DZIP3: variants seen among roughly 807,000 people sequenced by gnomAD.
The protein encoded by DZIP3 is DAZ interacting zinc finger protein 3.
A neutral mutation model predicts 162.0 loss-of-function variants in DZIP3; 118 were observed. That is an observed-to-expected ratio of 0.73 (90% confidence interval 0.63 to 0.85). DZIP3 has a LOEUF of 0.85. DZIP3 is among the 40% of genes least tolerant of loss of function. DZIP3 has a pLI of 0.00. For synonymous variants in DZIP3, 438 were observed against 458.6 expected (o/e 0.96, Z 0.57); for missense variants, 1,331 against 1,407.0 (o/e 0.95, Z 0.86).
intron 21 of DZIP3, among the ~76,000 whole-genome samples, chr3:108,668,603 A>C (rs1285376286): frequency 2.0e-5 from 3 of 152,002 alleles, no homozygotes; most frequent in Admixed American, 2.0e-4. Flanking sequence ...CAACTCTGTC[A>C]ACATATTCCT....
At chr3:108,689,201 A>G (rs1299137259) in intron 31 of DZIP3, among the ~76,000 whole-genome samples, 1 of 152,250 alleles carries the variant, frequency 6.6e-6, no homozygotes, top group African/African-American at 2.4e-5. Flanking sequence ...GAACTGGGAC[A>G]AATGTCGATT....
chr3:108,689,060 C>T (rs535865880), intron 31 of DZIP3, 136 bp downstream of exon 31: 1 of 813,974 alleles, frequency 1.2e-6, no homozygotes, highest in African/African-American at 1.7e-5. Flanking sequence ...GGGTACCACA[C>T]AGAAACATTT....
At position 108,637,398 on chromosome 3, in the gene DZIP3, C is replaced by G. The variant is rs182084423; in HGVS notation, c.1012-98C>G. On this transcript the variant is annotated intron_variant, in intron 11 of 32. Transcript: ENST00000361582. ...TTGTTTTATATTCACTGTGGCTTCA[C>G]TCTCATTGTATGTTTCAAATGTTAA... 1.8e-5 allele frequency: 19 copies of G among 1,073,152 alleles called. No homozygotes were observed. In the Admixed American group the frequency reaches 3.6e-4, roughly 20 times the overall value. 66.5% of individuals were successfully genotyped at this position (1,073,152 alleles called of 1,614,324 possible). A position where few individuals can be genotyped will look rare whatever the true frequency, so the allele number is the denominator to read the frequency against.
rs771830985 is a variant in DZIP3 at position 108,661,888 on chromosome 3, C to T, written c.2211C>T (p.Gly737=). 3 of 1,613,202 alleles carry T rather than the reference C, an allele frequency of 1.9e-6. No homozygotes were observed. In the Admixed American group the frequency reaches 5.0e-5, roughly 27 times the overall value. The stretch of plus-strand genomic sequence containing the variant: ...CCTGTGCTCAATAGGGCTCAGCTGG[C>T]AAAGTAACTACAGACTATGGAGAAA... ...ILDMIEQGSA[G]KVTTDYGETE... Residue 737 remains glycine, a synonymous_variant, in exon 20 of 33, where the codon GGC becomes GGT. Transcript: ENST00000361582.
intron 26 of DZIP3, 77 bp downstream of exon 26, chr3:108,677,675 C>A: frequency 7.9e-7 from 1 of 1,258,846 alleles, no homozygotes; most frequent in Non-Finnish European, 1.2e-6. Context: ...ACTGAATATG[C>A]AGTATGTTTA....
chr3:108,634,773 CTAAT>C (rs1942060726), intron 9 of DZIP3, 94 bp from the exon 10 acceptor site: 1 of 562,750 alleles, frequency 1.8e-6, no homozygotes, highest in Non-Finnish European at 2.8e-6. Context: ...TAAAATCTAT[CTAAT>C]TATAGAATAA....
chr3:108,679,572 G>T (rs1057348785), intron 26 of DZIP3, among the ~76,000 whole-genome samples: 1 of 152,112 alleles, frequency 6.6e-6, no homozygotes, highest in African/African-American at 2.4e-5. Flanking sequence ...CTGAGCATCA[G>T]AGGAGAGAGT....
At position 108,631,055 on chromosome 3, in the gene DZIP3, A is replaced by ACACACACACACACTCCCT; in HGVS notation, c.696+1880_696+1881insACACACACACACTCCCTC. Reference sequence around the variant, plus strand: ...CACACACACACACACACACACACACACTCTCTCTCTCTCTCTCTCTCTCTC... The same window carrying ACACACACACACACTCCCT: ...CACACACACACACACACACACACACACACACACACACACTCCCTCTCTCTCTCTCTCTCTCTCTCTCTC... On this transcript the variant is annotated intron_variant, in intron 8 of 32. Coordinates refer to ENST00000361582, the MANE Select transcript of DZIP3 (RefSeq NM_014648.4). 1.1e-4 allele frequency among the ~76,000 whole-genome samples: 2 copies of ACACACACACACACTCCCT among 18,006 alleles called. 1 individual carries two copies. The highest frequency in any genetic ancestry group is 5.6e-4 in the African/African-American group (2 of 3,542). The allele number at this position is 18,006 out of a possible 152,430, so 11.8% of individuals were successfully genotyped here. A position where few individuals can be genotyped will look rare whatever the true frequency, so the allele number is the denominator to read the frequency against.
intron 22 of DZIP3, 94 bp from the exon 23 acceptor site, chr3:108,672,466 C>A: frequency 2.0e-6 from 2 of 1,020,710 alleles, no homozygotes; most frequent in Non-Finnish European, 3.0e-6. Flanking sequence ...TAATTTCCTA[C>A]TGATTGTATA....
chr3:108,595,817 A>G (rs1336501746), intron 1 of DZIP3, among the ~76,000 whole-genome samples: 2 of 152,236 alleles, frequency 1.3e-5, no homozygotes, highest in Non-Finnish European at 2.9e-5. Context: ...AAGTTTTGTA[A>G]TATGGGAATT....
At chr3:108,669,597 C>T in intron 21 of DZIP3, 84 bp from the exon 22 acceptor site, 1 of 1,257,814 alleles carries the variant, frequency 8.0e-7, no homozygotes, top group South Asian at 1.4e-5. Flanking sequence ...TTTATCTCCT[C>T]CACAGCTGTA....
intron 12 of DZIP3, among the ~76,000 whole-genome samples, chr3:108,639,111 CCTTA>C (rs1408605416): frequency 6.6e-6 from 1 of 152,216 alleles, no homozygotes; most frequent in Non-Finnish European, 1.5e-5. Context: ...TTTCGAAAAG[CCTTA>C]CTTAGATTAC....
In DZIP3 at chr3:108,675,855, C is replaced by A. The variant is rs1184739436; in HGVS notation, c.2763C>A (p.Asn921Lys). ...SWNAIVADVR[N>K]KIAFLRTQYN... is the part of the protein sequence containing the mutation. ...ATGCCATTGTGGCAGATGTTAGAAACAAGATTGCATTCCTCAGGGTAAGTC... is the reference window on the plus strand; with the variant it reads ...ATGCCATTGTGGCAGATGTTAGAAAAAAGATTGCATTCCTCAGGGTAAGTC... Residue 921 changes from asparagine to lysine, a missense_variant, in exon 25 of 33, where the codon AAC becomes AAA. By Grantham distance (94) the Asn-to-Lys change is moderately conservative. Around this residue, in one of 2 missense-constraint regions of DZIP3, gnomAD observed 1,278 missense variants for 1,317.1 expected, o/e 0.97. Transcript: ENST00000361582. 1.2e-6 allele frequency: 2 copies of A among 1,609,576 alleles called. No individual in the cohort carries two copies. Among genetic ancestry groups the A allele is most frequent in the African/African-American group, 2.7e-5 (2 of 74,616 alleles).
Position 108,654,224 on chromosome 3 carries a change from G to A in DZIP3, c.2113G>A (p.Asp705Asn). The part of the protein sequence containing the change: ...PHSVSRLIKD[D>N]ASDVQEDSAM... ...CTCAGTCAGTAGACTTATAAAAGAT[G>A]ATGCAAGTGATGTTCAAGAGGATTC... Residue 705 changes from aspartate (D) to asparagine (N), a missense_variant, in exon 19 of 33, where the codon GAT (aspartate) becomes AAT (asparagine). This residue lies in a region of DZIP3 where 1,278 missense variants were observed against 1,317.1 expected (regional missense o/e 0.97). Coordinates refer to ENST00000361582, the MANE Select transcript of DZIP3 (RefSeq NM_014648.4). 1 of 1,613,806 alleles carries A rather than the reference G, an allele frequency of 6.2e-7. No homozygotes were observed.
chr3:108,612,622 T>C (rs1359972676), intron 4 of DZIP3, among the ~76,000 whole-genome samples: 1 of 152,146 alleles, frequency 6.6e-6, no homozygotes, highest in Non-Finnish European at 1.5e-5. Flanking sequence ...TAAAATGACA[T>C]AGTATTTGCA....
chr3:108,605,522 G>A, intron 2 of DZIP3, 84 bp downstream of exon 2: 3 of 1,424,846 alleles, frequency 2.1e-6, no homozygotes, highest in East Asian at 2.3e-5. Context: ...GGGGTGCGGG[G>A]AATGGTTTTG....
intron 9 of DZIP3, among the ~76,000 whole-genome samples, chr3:108,633,566 GATAGATCTCTCTCTCTGGATCTATCAGAA>G (rs1941983107): frequency 6.6e-6 from 1 of 151,364 alleles, no homozygotes; most frequent in East Asian, 2.0e-4. Context: ...GAATACTTCT[GATAGATCTCTCTCTCTGGATCTATCAGAA>G]TACTTCTGAT....
chr3:108,689,339 C>G (rs1232135845), intron 31 of DZIP3, among the ~76,000 whole-genome samples: 1 of 152,158 alleles, frequency 6.6e-6, no homozygotes, highest in East Asian at 1.9e-4. Context: ...ATTTATCAGT[C>G]TCTTCAGGCT....
At chr3:108,669,630 T>A (rs982032150) in intron 21 of DZIP3, 51 bp from the exon 22 acceptor site, 1 of 1,545,194 alleles carries the variant, frequency 6.5e-7, no homozygotes. Flanking sequence ...CTGACTGTGT[T>A]AATGAGAAAT....
Sources: gnomAD v4.1 joint callset for allele counts (sites outside exome capture counted in the v4.1 genomes callset) on GRCh38, gnomAD v4.1.1 for gene constraint, gnomAD v4.1.1 regional missense constraint, MANE v1.5 for transcripts, NCBI Gene and HGNC (gene_info 2026-07-23, HGNC 2026-07-21) for gene names.